The following TMEM132D variants were observed in gnomAD, a reference collection of about 807,000 sequenced individuals.
TMEM132D encodes mature OL transmembrane protein.
A neutral mutation model predicts 62.3 loss-of-function variants in TMEM132D; 21 were observed. The observed-to-expected ratio is 0.34, with a 90% CI of 0.24 to 0.49. TMEM132D has a LOEUF of 0.49. Ranked by LOEUF, TMEM132D falls within the 20% of genes least tolerant of loss-of-function variation. TMEM132D has a pLI of 0.99. For synonymous variants in TMEM132D, 621 were observed against 575.6 expected (o/e 1.08, Z -1.13); for missense variants, 1,346 against 1,402.8 (o/e 0.96, Z 0.65).
At chr12:129,276,564 G>T (rs1408232789) in intron 4 of TMEM132D, among the ~76,000 whole-genome samples, 1 of 152,108 alleles carries the variant, frequency 6.6e-6, no homozygotes, top group Non-Finnish European at 1.5e-5. Flanking sequence ...AGATAAAGTC[G>T]TGCAGGCGTG....
At position 129,313,574 on chromosome 12, in the gene TMEM132D, T is replaced by C. The variant is rs1293049788; in HGVS notation, c.1299+24060A>G. On this transcript the variant is annotated intron_variant, in intron 4 of 8. Coordinates refer to ENST00000422113, the MANE Select transcript of TMEM132D (RefSeq NM_133448.3). ...ATATATATGTGTGTGTGTGTGTATA[T>C]ATATATATATATAAGTTTCTTTATC... 3.3e-5 allele frequency among the ~76,000 whole-genome samples: 5 copies of C among 151,326 alleles called. No homozygotes were observed. In the East Asian group the frequency reaches 9.6e-4, roughly 29 times the overall value.
rs76883437 is a variant in TMEM132D, at chr12:129,469,206, G to A, written c.1115+61853C>T. Among the ~76,000 whole-genome samples the A allele has an allele frequency of 3.8e-3, 578 of 152,302 alleles. 2 individuals are homozygous for A. Among genetic ancestry groups the A allele is most frequent in the African/African-American group, 0.012 (487 of 41,572 alleles). On this transcript the variant is annotated intron_variant, in intron 3 of 8. Transcript: ENST00000422113. ...GAGTGACGTTCTGTTTTCCGTTAGT[G>A]GAGCAGCCCTTTACTCACTCCTCGA...
At chr12:129,112,265 G>A (rs1187557293) in intron 5 of TMEM132D, among the ~76,000 whole-genome samples, 2 of 152,182 alleles carry the variant, frequency 1.3e-5, no homozygotes, top group Non-Finnish European at 2.9e-5. Flanking sequence ...GGAAGGACAG[G>A]CAGAATCCTC....
chr12:129,667,689 A>C (rs668980), intron 2 of TMEM132D, among the ~76,000 whole-genome samples: 115,655 of 151,964 alleles, frequency 0.76, 44,454 homozygotes, highest in East Asian at 0.85. Context: ...CTCCTAAAAA[A>C]TTATTTTTCT....
At chr12:129,197,687 T>C (rs1188919948) in intron 5 of TMEM132D, among the ~76,000 whole-genome samples, 2 of 152,154 alleles carry the variant, frequency 1.3e-5, no homozygotes, top group Non-Finnish European at 2.9e-5. Flanking sequence ...GCAAAACTAC[T>C]AGAAGAAAAC....
chr12:129,162,118 GT>G (rs1469390514), intron 5 of TMEM132D, among the ~76,000 whole-genome samples: 2 of 152,288 alleles, frequency 1.3e-5, no homozygotes, highest in East Asian at 3.9e-4. Flanking sequence ...CAATCTGGCT[GT>G]TTCAGAGACA....
intron 8 of TMEM132D, 45 bp downstream of exon 8, chr12:129,078,489 T>C: frequency 1.3e-6 from 2 of 1,580,284 alleles, no homozygotes; most frequent in Non-Finnish European, 1.7e-6. Flanking sequence ...GTGATCCACT[T>C]GGTGAGGGAC....
chr12:129,841,936 T>A (rs892670241), intron 1 of TMEM132D, among the ~76,000 whole-genome samples: 1 of 149,762 alleles, frequency 6.7e-6, no homozygotes, highest in Non-Finnish European at 1.5e-5. Context: ...TTTTCGTGTT[T>A]TTTTTTTTTT....
chr12:129,395,005 A>T (rs1871383699), intron 3 of TMEM132D, among the ~76,000 whole-genome samples: 1 of 152,212 alleles, frequency 6.6e-6, no homozygotes. Context: ...TAAAGCTCTT[A>T]AAAAGAATCA....
chr12:129,268,412 C>T (rs1417238914), intron 4 of TMEM132D, among the ~76,000 whole-genome samples: 2 of 152,164 alleles, frequency 1.3e-5, no homozygotes, highest in African/African-American at 2.4e-5. Flanking sequence ...GACATTTATG[C>T]AGCCAAAAAA....
intron 3 of TMEM132D, among the ~76,000 whole-genome samples, chr12:129,384,766 G>A (rs915435298): frequency 2.0e-5 from 3 of 152,092 alleles, no homozygotes; most frequent in Non-Finnish European, 2.9e-5. Context: ...TCACACGTAC[G>A]CGACAGTCTG....
At chr12:129,747,102 A>G (rs755429429) in intron 1 of TMEM132D, among the ~76,000 whole-genome samples, 2 of 60,212 alleles carry the variant, frequency 3.3e-5, no homozygotes, top group Non-Finnish European at 8.2e-5. Context: ...CAGTTCCTTG[A>G]GAGTAAAAGC....
intron 2 of TMEM132D, among the ~76,000 whole-genome samples, chr12:129,670,635 T>C (rs1880481243): frequency 6.6e-6 from 1 of 152,204 alleles, no homozygotes; most frequent in Admixed American, 6.5e-5. Flanking sequence ...TTGGGGTGAC[T>C]GATCTGAGTA....
chr12:129,502,441 T>C (rs1875180491), intron 3 of TMEM132D, among the ~76,000 whole-genome samples: 1 of 151,988 alleles, frequency 6.6e-6, no homozygotes, highest in Middle Eastern at 3.2e-3. Flanking sequence ...GGACTGCACA[T>C]GGCAGAAGCC....
At chr12:129,594,653 T>C (rs1235485570) in intron 2 of TMEM132D, among the ~76,000 whole-genome samples, 1 of 152,200 alleles carries the variant, frequency 6.6e-6, no homozygotes, top group Non-Finnish European at 1.5e-5. Flanking sequence ...TGTTCAAAGC[T>C]CTCCTAAGTC....
chr12:129,878,196 T>C (rs1874488582), intron 1 of TMEM132D, among the ~76,000 whole-genome samples: 1 of 152,216 alleles, frequency 6.6e-6, no homozygotes, highest in Non-Finnish European at 1.5e-5. Context: ...GTGTGTCTCC[T>C]CTATTGAAGG....
intron 1 of TMEM132D, among the ~76,000 whole-genome samples, chr12:129,820,235 G>A (rs755949849): frequency 6.6e-6 from 1 of 152,168 alleles, no homozygotes; most frequent in Non-Finnish European, 1.5e-5. Context: ...GGGGCCAGTT[G>A]TTGCAAAGAT....
intron 5 of TMEM132D, among the ~76,000 whole-genome samples, chr12:129,112,059 T>C (rs549227723): frequency 5.9e-5 from 9 of 152,324 alleles, no homozygotes; most frequent in African/African-American, 1.9e-4. Flanking sequence ...CGTAGCCTCT[T>C]TACCTGGTTT....
intron 2 of TMEM132D, among the ~76,000 whole-genome samples, chr12:129,582,626 T>TC (rs1221286959): frequency 3.5e-5 from 3 of 84,640 alleles, no homozygotes; most frequent in South Asian, 2.8e-4. Context: ...TTTCTTTCTT[T>TC]TTTTTTTTTT....
Sources: allele counts gnomAD v4.1 joint callset (sites outside exome capture counted in the v4.1 genomes callset), GRCh38; gene constraint gnomAD v4.1.1; transcripts MANE v1.5; gene names NCBI Gene and HGNC (gene_info 2026-07-23, HGNC 2026-07-21).